Variants in ARRB1 observed in about 807,000 individuals in gnomAD.
ARRB1 encodes the protein beta-arrestin-1.
In ARRB1, 21 loss-of-function variants were observed where a neutral mutation model predicts 56.8. The ratio of observed to expected loss-of-function variants is 0.37; its 90% CI spans 0.26 to 0.53. ARRB1 has a LOEUF of 0.53. ARRB1 is among the 20% of genes least tolerant of loss of function. The probability of loss-of-function intolerance (pLI) is 0.88; values close to 1 mark genes in which losing one functional copy is unlikely to be tolerated. For missense variants in ARRB1, 424 were observed against 553.7 expected (o/e 0.77, Z 2.35); for synonymous variants, 210 against 218.6 (o/e 0.96, Z 0.35).
intron 1 of ARRB1, among the ~76,000 whole-genome samples, chr11:75,296,308 C>T (rs943218563): frequency 2.0e-5 from 3 of 151,908 alleles, no homozygotes; most frequent in African/African-American, 7.3e-5. Flanking sequence ...GTTTCAGATC[C>T]GCTGTTCTAG....
At chr11:75,277,042 A>G (rs1175867043) in intron 9 of ARRB1, 131 bp from the exon 10 acceptor site, 1 of 835,018 alleles carries the variant, frequency 1.2e-6, no homozygotes, top group African/African-American at 1.7e-5. Context: ...ACTTCTGCAT[A>G]AGACCACCCC....
chr11:75,268,510 C>CA (rs61409833), intron 14 of ARRB1, among the ~76,000 whole-genome samples: 3,704 of 61,390 alleles, frequency 0.06, 222 homozygotes, highest in Non-Finnish European at 0.088. Flanking sequence ...GTCTCAAAAC[C>CA]AAAAAAAAAA....
At chr11:75,309,623 G>T (rs1439504782) in intron 1 of ARRB1, among the ~76,000 whole-genome samples, 1 of 152,154 alleles carries the variant, frequency 6.6e-6, no homozygotes, top group Non-Finnish European at 1.5e-5. Flanking sequence ...GTCACTGGGG[G>T]TCACATTACC....
chr11:75,294,586 TAAA>T (rs1946683250), intron 1 of ARRB1, among the ~76,000 whole-genome samples: 2 of 97,000 alleles, frequency 2.1e-5, no homozygotes, highest in Non-Finnish European at 4.1e-5. Flanking sequence ...AATAAATAAA[TAAA>T]TAAATAAATA....
At chr11:75,347,032 G>A (rs1947779571) in intron 1 of ARRB1, among the ~76,000 whole-genome samples, 1 of 152,232 alleles carries the variant, frequency 6.6e-6, no homozygotes, top group Non-Finnish European at 1.5e-5. Flanking sequence ...CACTTGGGGT[G>A]TGCTGACTCC....
intron 1 of ARRB1, among the ~76,000 whole-genome samples, chr11:75,308,588 A>G (rs888514148): frequency 1.3e-5 from 2 of 152,010 alleles, no homozygotes; most frequent in African/African-American, 4.8e-5. Context: ...TACTAAAAAT[A>G]AAAAAAATTA....
intron 6 of ARRB1, chr11:75,281,601 C>T (rs1946342897): frequency 8.6e-6 from 3 of 349,752 alleles, no homozygotes; most frequent in Non-Finnish European, 1.6e-5. Context: ...GGTGTCACTT[C>T]TCTCCAACCC....
rs539190818 is a variant in ARRB1, at chr11:75,262,543, G to A, written c.*3620C>T. The stretch of plus-strand genomic sequence containing the variant: ...GGGCTCCTCCTGCAGCAAACTTTCT[G>A]TGTGACCTTGGGCCATCCCTGCAGT... On this transcript the variant is annotated 3_prime_UTR_variant, in exon 16 of 16. Transcript: ENST00000420843. The A allele has an allele frequency of 4.8e-4, 73 of 152,388 alleles. No homozygotes were observed. Among genetic ancestry groups the A allele is most frequent in the African/African-American group, 1.7e-3 (71 of 41,588 alleles). 9.4% of individuals were successfully genotyped at this position (152,388 alleles called of 1,614,324 possible). A position where few individuals can be genotyped will look rare whatever the true frequency, so the allele number is the denominator to read the frequency against.
At chr11:75,290,172 G>A (rs111636704) in intron 1 of ARRB1, 133 bp from the exon 2 acceptor site, 6 of 1,028,706 alleles carry the variant, frequency 5.8e-6, no homozygotes, top group African/African-American at 3.2e-5. Context: ...CTTGAGATCC[G>A]AACAGTGCCC....
intron 1 of ARRB1, among the ~76,000 whole-genome samples, chr11:75,346,124 C>T (rs1401695078): frequency 6.6e-6 from 1 of 152,090 alleles, no homozygotes; most frequent in Non-Finnish European, 1.5e-5. Context: ...CACCTGCAGC[C>T]AGTATCTGCA....
chr11:75,308,082 A>G (rs1947070822), intron 1 of ARRB1, among the ~76,000 whole-genome samples: 1 of 152,248 alleles, frequency 6.6e-6, no homozygotes, highest in Non-Finnish European at 1.5e-5. Context: ...CACTGTGAGG[A>G]CAACACTGGC....
intron 1 of ARRB1, among the ~76,000 whole-genome samples, chr11:75,301,670 C>T (rs1565127222): frequency 2.0e-5 from 3 of 152,180 alleles, no homozygotes; most frequent in Non-Finnish European, 4.4e-5. Flanking sequence ...CCACTTTCCT[C>T]AGTGTGAGAG....
intron 1 of ARRB1, among the ~76,000 whole-genome samples, chr11:75,312,350 A>G (rs984409303): frequency 1.3e-5 from 2 of 152,186 alleles, no homozygotes; most frequent in South Asian, 2.1e-4. Context: ...GCCTGTGTGT[A>G]CTGCACGCTG....
chr11:75,341,165 T>A (rs1947687944), intron 1 of ARRB1, among the ~76,000 whole-genome samples: 1 of 151,756 alleles, frequency 6.6e-6, no homozygotes, highest in Non-Finnish European at 1.5e-5. Flanking sequence ...TGAGACAGAG[T>A]CTCACTCTGT....
chr11:75,324,799 G>A (rs1488699345), intron 1 of ARRB1, among the ~76,000 whole-genome samples: 1 of 152,108 alleles, frequency 6.6e-6, no homozygotes, highest in Non-Finnish European at 1.5e-5. Context: ...TAACTGCTAC[G>A]TCTACACTCA....
intron 2 of ARRB1, among the ~76,000 whole-genome samples, 175 bp from the exon 3 acceptor site, chr11:75,287,550 C>A (rs1946510872): frequency 6.6e-6 from 1 of 152,214 alleles, no homozygotes; most frequent in Non-Finnish European, 1.5e-5. Context: ...GATTCGCAAA[C>A]CCCTGTAAAA....
intron 1 of ARRB1, among the ~76,000 whole-genome samples, chr11:75,308,336 C>G (rs558486977): frequency 6.6e-6 from 1 of 152,296 alleles, no homozygotes; most frequent in African/African-American, 2.4e-5. Context: ...GAAACCAGGC[C>G]CCATGACCAA....
intron 8 of ARRB1, 82 bp from the exon 9 acceptor site, chr11:75,277,530 G>A (rs548462717): frequency 2.2e-5 from 28 of 1,280,394 alleles, no homozygotes; most frequent in East Asian, 2.1e-4. Flanking sequence ...GCCCCCACGC[G>A]ATCTTCTGGG....
intron 1 of ARRB1, among the ~76,000 whole-genome samples, chr11:75,300,423 T>C (rs1438523646): frequency 6.6e-6 from 1 of 152,170 alleles, no homozygotes; most frequent in Admixed American, 6.5e-5. Flanking sequence ...ACACAGCAAG[T>C]AAGCAACAGA....
Sources: allele counts gnomAD v4.1 joint callset (sites outside exome capture counted in the v4.1 genomes callset), GRCh38; gene constraint gnomAD v4.1.1; transcripts MANE v1.5; gene names NCBI Gene and HGNC (gene_info 2026-07-23, HGNC 2026-07-21).